Variants in SVEP1 observed in about 807,000 individuals in gnomAD.
The protein encoded by SVEP1 is sushi, von Willebrand factor type A, EGF and pentraxin domain containing 1.
In SVEP1, 164 loss-of-function variants were observed where a neutral mutation model predicts 367.3. The ratio of observed to expected loss-of-function variants is 0.45; its 90% CI spans 0.39 to 0.51. SVEP1 has a LOEUF of 0.51. Among genes scored for constraint, SVEP1 ranks in the 20% least tolerant of loss-of-function variants. The pLI is 0.00. For missense variants in SVEP1, 4,117 were observed against 4,425.3 expected (o/e 0.93, Z 1.98); for synonymous variants, 1,666 against 1,611.6 (o/e 1.03, Z -0.81).
intron 2 of SVEP1, among the ~76,000 whole-genome samples, chr9:110,546,983 T>G (rs955833): frequency 0.38 from 57,069 of 151,942 alleles, 11,417 homozygotes; most frequent in Non-Finnish European, 0.42. Context: ...TCAAGAAGTT[T>G]GAAAGTTTTA....
chr9:110,517,586 A>G (rs1829820745), intron 3 of SVEP1, among the ~76,000 whole-genome samples: 1 of 137,676 alleles, frequency 7.3e-6, no homozygotes, highest in South Asian at 2.4e-4. Flanking sequence ...TGGCTGAGCA[A>G]GACGCTATCT....
At chr9:110,452,394 G>C (rs1828706870) in intron 22 of SVEP1, among the ~76,000 whole-genome samples, 1 of 152,136 alleles carries the variant, frequency 6.6e-6, no homozygotes, top group South Asian at 2.1e-4. Context: ...TCAACACCAG[G>C]TGTCGCTAAT....
chr9:110,406,333 G>A lies in SVEP1; in HGVS notation c.9267C>T (p.Ser3089=). 3 of 1,614,046 alleles carry A rather than the reference G, an allele frequency of 1.9e-6. No homozygotes were observed. The highest frequency in any genetic ancestry group is 2.5e-6 in the Non-Finnish European group (3 of 1,179,904). The change falls in exon 38 of 48, where the codon AGC becomes AGT. Residue 3089 remains serine (S), a synonymous_variant. Coordinates refer to ENST00000374469, the MANE Select transcript of SVEP1 (RefSeq NM_153366.4). ...SSWKENVITY[S]CRSGYVIQGS... is the part of the protein sequence containing the mutation. ...CTTGTATGACATATCCAGACCTGCA[G>A]CTGTAAGTTATCACATTTTCCTTCC... is the stretch of plus-strand genomic sequence containing the variant.
intron 3 of SVEP1, among the ~76,000 whole-genome samples, chr9:110,523,054 C>A (rs1303581932): frequency 6.6e-5 from 10 of 152,170 alleles, no homozygotes; most frequent in African/African-American, 2.4e-4. Context: ...CAATCGCTCA[C>A]TATTGCCAGT....
At chr9:110,433,974 G>A (rs912595328) in intron 30 of SVEP1, among the ~76,000 whole-genome samples, 5 of 152,088 alleles carry the variant, frequency 3.3e-5, no homozygotes, top group Admixed American at 6.6e-5. Context: ...CACATAATAG[G>A]TACTTTAAAA....
Position 110,404,413 on chromosome 9 carries a change from C to T in SVEP1, c.9580G>A (p.Gly3194Arg), listed in dbSNP as rs370633430. The change falls in exon 39 of 48, where the codon GGG becomes AGG. Residue 3194 changes from glycine to arginine, a missense_variant. Physicochemically the swap from Gly to Arg is moderately radical, Grantham distance 125. This residue lies in a region of SVEP1 where 1,765 missense variants were observed against 1,781.1 expected (regional missense o/e 0.99). Coordinates refer to ENST00000374469, the MANE Select transcript of SVEP1 (RefSeq NM_153366.4). ...TGCCTATTCACACTGAAATCGTCCC[C>T]ATGTACAAGTATATGTGTTATGTTT... ...PENITHILVH[G>R]DDFSVNRQVS... is the part of the protein sequence containing the mutation. The T allele has an allele frequency of 6.2e-7, 1 of 1,613,858 alleles. No homozygotes were observed. Among genetic ancestry groups the T allele is most frequent in the African/African-American group, 1.3e-5 (1 of 74,920 alleles).
intron 2 of SVEP1, among the ~76,000 whole-genome samples, chr9:110,547,169 G>A (rs979544356): frequency 3.0e-4 from 46 of 152,148 alleles, no homozygotes; most frequent in African/African-American, 1.1e-3. Flanking sequence ...ATCTAGATAG[G>A]GGCAAAGCAA....
intron 44 of SVEP1, 116 bp from the exon 45 acceptor site, chr9:110,377,482 A>G (rs564352348): frequency 3.3e-6 from 3 of 898,380 alleles, no homozygotes; most frequent in South Asian, 2.0e-5. Context: ...TTTCAGGAAG[A>G]GAGACAAAAA....
intron 36 of SVEP1, among the ~76,000 whole-genome samples, chr9:110,414,702 G>A (rs1828092009): frequency 6.6e-6 from 1 of 151,926 alleles, no homozygotes; most frequent in Admixed American, 6.5e-5. Context: ...TAATGAGCAT[G>A]TGCCTGGAGA....
At chr9:110,371,988 A>C (rs1005095027) in intron 46 of SVEP1, among the ~76,000 whole-genome samples, 1 of 152,154 alleles carries the variant, frequency 6.6e-6, no homozygotes, top group African/African-American at 2.4e-5. Context: ...TGTTGCTCTC[A>C]ACACATAATT....
intron 1 of SVEP1, among the ~76,000 whole-genome samples, chr9:110,575,295 C>T (rs1309825448): frequency 6.6e-6 from 1 of 152,116 alleles, no homozygotes. Flanking sequence ...GCACTGTGTA[C>T]TCGACTCATT....
intron 39 of SVEP1, among the ~76,000 whole-genome samples, chr9:110,403,296 G>GTGTTTTTTTTTTTTT: frequency 6.9e-5 from 3 of 43,460 alleles, no homozygotes; most frequent in South Asian, 1.4e-3. Flanking sequence ...CGCCACCGCC[G>GTGTTTTTTTTTTTTT]TTTTTTTTTT....
At chr9:110,546,317 G>A (rs147050924) in intron 2 of SVEP1, 26 bp from the exon 3 acceptor site, 55 of 1,550,252 alleles carry the variant, frequency 3.5e-5, no homozygotes, top group East Asian at 1.4e-4. Context: ...GACAGAGGGC[G>A]ATAAAAATGA....
At chr9:110,375,539 T>C (rs1827339626) in intron 45 of SVEP1, 76 bp from the exon 46 acceptor site, 1 of 1,332,276 alleles carries the variant, frequency 7.5e-7, no homozygotes, top group African/African-American at 1.5e-5. Flanking sequence ...ACATCTTAGA[T>C]AGGTTCAAGG....
intron 29 of SVEP1, 120 bp from the exon 30 acceptor site, chr9:110,434,626 C>CA: frequency 3.4e-6 from 1 of 293,408 alleles, no homozygotes; most frequent in Non-Finnish European, 4.8e-6. Context: ...GATGTGAAAA[C>CA]AAGTTAACAT....
Position 110,556,486 on chromosome 9 carries a change from T to G in SVEP1, c.532-6382A>C, listed in dbSNP as rs532996010. Among the ~76,000 whole-genome samples the G allele has an allele frequency of 1.6e-4, 25 of 152,270 alleles. No individual in the cohort carries two copies. The East Asian group carries it at 2.1e-3, about 13-fold the overall frequency. ...ACTAGAGACGCTAATAAAGTCTTTT[T>G]TTGTTGTTGTTTTGTTCTGTTTTTT... is the stretch of plus-strand genomic sequence containing the variant. On this transcript the variant is annotated intron_variant, in intron 1 of 47. Coordinates refer to ENST00000374469, the MANE Select transcript of SVEP1 (RefSeq NM_153366.4).
chr9:110,506,206 T>C (rs1451377443), intron 5 of SVEP1, among the ~76,000 whole-genome samples: 2 of 152,174 alleles, frequency 1.3e-5, no homozygotes, highest in Admixed American at 6.5e-5. Context: ...AATTTCTGTA[T>C]CCAGTCTATC....
At chr9:110,552,141 C>A (rs1420925313) in intron 1 of SVEP1, among the ~76,000 whole-genome samples, 2 of 149,274 alleles carry the variant, frequency 1.3e-5, no homozygotes, top group Non-Finnish European at 3.0e-5. Flanking sequence ...AAGCGATTCT[C>A]CTGCCTCAGC....
At chr9:110,383,157 C>T (rs1827464162) in intron 43 of SVEP1, among the ~76,000 whole-genome samples, 1 of 152,148 alleles carries the variant, frequency 6.6e-6, no homozygotes, top group Admixed American at 6.5e-5. Context: ...TTTGAGTTTT[C>T]AGTGTTTTCT....
Sources: gnomAD v4.1 joint callset for allele counts (sites outside exome capture counted in the v4.1 genomes callset) on GRCh38, gnomAD v4.1.1 for gene constraint, gnomAD v4.1.1 regional missense constraint, MANE v1.5 for transcripts, NCBI Gene and HGNC (gene_info 2026-07-23, HGNC 2026-07-21) for gene names.